Variants in FARS2 observed in about 807,000 individuals in gnomAD.
FARS2 encodes the protein phenylalanyl-tRNA synthetase 2, mitochondrial.
In FARS2, 40 loss-of-function variants were observed where a neutral mutation model predicts 46.4. That is an observed-to-expected ratio of 0.86 (90% confidence interval 0.67 to 1.12). FARS2 has a LOEUF of 1.12. Ranked by LOEUF, FARS2 falls within the 50% of genes most tolerant of loss-of-function variation. The probability of loss-of-function intolerance (pLI) is 0.00; values close to 1 mark genes in which losing one functional copy is unlikely to be tolerated. For synonymous variants in FARS2, 234 were observed against 214.9 expected, an observed-to-expected ratio of 1.09 and a Z score of -0.78; for missense variants, 513 against 567.9, an observed-to-expected ratio of 0.90 and a Z score of 0.98.
At chr6:5,394,717 T>C (rs1760788222) in intron 2 of FARS2, among the ~76,000 whole-genome samples, 1 of 152,158 alleles carries the variant, frequency 6.6e-6, no homozygotes, top group Non-Finnish European at 1.5e-5. Context: ...CTGTTTGTTT[T>C]CTCTTTCAAG....
chr6:5,379,776 C>T (rs905706366), intron 2 of FARS2, among the ~76,000 whole-genome samples: 3 of 152,232 alleles, frequency 2.0e-5, no homozygotes, highest in Non-Finnish European at 4.4e-5. Context: ...ACCTGCACTG[C>T]AGATCTGGGC....
At chr6:5,269,246 C>G (rs925714103) in intron 1 of FARS2, among the ~76,000 whole-genome samples, 2 of 151,852 alleles carry the variant, frequency 1.3e-5, no homozygotes, top group Admixed American at 6.6e-5. Flanking sequence ...GGACAGAAAA[C>G]CAAACACCGC....
rs554041570 is a variant in FARS2 at position 5,413,729 on chromosome 6, T to TC, written c.772+9033dup. 7.4e-4 allele frequency among the ~76,000 whole-genome samples: 113 copies of TC among 152,316 alleles called. No homozygotes were observed. In the East Asian group the frequency reaches 0.013, roughly 18 times the overall value. ...ATATGTGCCCAAATCTCTTTATGCT[T>TC]CCCCCTCCTGTAGCAGCTCAGATTT... On this transcript the variant is annotated intron_variant, in intron 3 of 6. Coordinates refer to ENST00000274680, the MANE Select transcript of FARS2 (RefSeq NM_006567.5).
chr6:5,461,306 C>T (rs372832544), intron 4 of FARS2, among the ~76,000 whole-genome samples: 1 of 152,122 alleles, frequency 6.6e-6, no homozygotes, highest in Non-Finnish European at 1.5e-5. Flanking sequence ...TCCCAAAGTG[C>T]GGAGATTACA....
chr6:5,270,841 AC>A (rs565178982), intron 1 of FARS2, among the ~76,000 whole-genome samples: 98 of 151,806 alleles, frequency 6.5e-4, no homozygotes, highest in African/African-American at 2.3e-3. Context: ...TTTCCCCTCT[AC>A]CCTGGGGACC....
At position 5,644,219 on chromosome 6, in the gene FARS2, C is replaced by CT. The variant is rs560871477; in HGVS notation, c.1217+30908dup. Reference sequence around the variant, plus strand: ...TGTTTGTTGTTTCTTTTTTCTTTTGCTTTTTTTTTCTTTTTTTGAGACAGG... The same window carrying CT: ...TGTTTGTTGTTTCTTTTTTCTTTTGCTTTTTTTTTTCTTTTTTTGAGACAGG... On this transcript the variant is annotated intron_variant, in intron 6 of 6. Coordinates refer to ENST00000274680, the MANE Select transcript of FARS2 (RefSeq NM_006567.5). 8.2e-3 allele frequency among the ~76,000 whole-genome samples: 1,232 copies of CT among 151,008 alleles called. 26 individuals carry two copies. The South Asian group carries it at 0.095, about 12-fold the overall frequency.
At chr6:5,380,236 A>G (rs181100052) in intron 2 of FARS2, among the ~76,000 whole-genome samples, 7 of 152,286 alleles carry the variant, frequency 4.6e-5, no homozygotes, top group Admixed American at 4.6e-4. Context: ...AGAAAAACAG[A>G]TTAATATTCT....
chr6:5,667,221 A>C (rs1041031350), intron 6 of FARS2, among the ~76,000 whole-genome samples: 1 of 152,184 alleles, frequency 6.6e-6, no homozygotes, highest in Non-Finnish European at 1.5e-5. Flanking sequence ...TAAAAAATAA[A>C]AATAAAGATT....
At chr6:5,734,456 T>C (rs1268914151) in intron 6 of FARS2, among the ~76,000 whole-genome samples, 1 of 152,196 alleles carries the variant, frequency 6.6e-6, no homozygotes, top group Admixed American at 6.5e-5. Context: ...GCCATGCATC[T>C]GTGGGCACCG....
intron 6 of FARS2, among the ~76,000 whole-genome samples, chr6:5,628,695 G>A (rs769594235): frequency 5.3e-5 from 8 of 152,376 alleles, no homozygotes; most frequent in Non-Finnish European, 1.2e-4. Flanking sequence ...GGTGAACAGA[G>A]ATGAGAGATG....
At chr6:5,348,001 A>G (rs113966210) in intron 1 of FARS2, among the ~76,000 whole-genome samples, 128 of 152,178 alleles carry the variant, frequency 8.4e-4, no homozygotes, top group Non-Finnish European at 1.3e-3. Flanking sequence ...TGTTTGTTCA[A>G]ATCTTTTATT....
At chr6:5,356,300 A>G (rs560048907) in intron 1 of FARS2, among the ~76,000 whole-genome samples, 1 of 152,304 alleles carries the variant, frequency 6.6e-6, no homozygotes, top group South Asian at 2.1e-4. Flanking sequence ...GATGCAAAAA[A>G]TCAGCTGGGT....
At chr6:5,704,860 G>A (rs796671466) in intron 6 of FARS2, among the ~76,000 whole-genome samples, 113 of 152,280 alleles carry the variant, frequency 7.4e-4, no homozygotes, top group African/African-American at 1.9e-3. Flanking sequence ...GTCTGTTAAC[G>A]GAATTCTGTT....
At chr6:5,306,186 G>A (rs1028097005) in intron 1 of FARS2, among the ~76,000 whole-genome samples, 2 of 152,104 alleles carry the variant, frequency 1.3e-5, no homozygotes, top group African/African-American at 2.4e-5. Context: ...CATCAACTCC[G>A]GGGTTGTTTT....
intron 5 of FARS2, among the ~76,000 whole-genome samples, chr6:5,564,530 T>C (rs1228922786): frequency 6.6e-6 from 1 of 152,204 alleles, no homozygotes; most frequent in African/African-American, 2.4e-5. Context: ...GAGACTAGGA[T>C]TTAATGACAA....
chr6:5,710,453 A>T (rs1488334939), intron 6 of FARS2, among the ~76,000 whole-genome samples: 1 of 152,238 alleles, frequency 6.6e-6, no homozygotes, highest in East Asian at 1.9e-4. Flanking sequence ...ACTAGGCAAA[A>T]TAAGTGCAAC....
At chr6:5,355,639 G>A (rs774135421) in intron 1 of FARS2, among the ~76,000 whole-genome samples, 4 of 152,112 alleles carry the variant, frequency 2.6e-5, no homozygotes, top group African/African-American at 9.7e-5. Context: ...TTACAGGTGT[G>A]AGCCACCATG....
At chr6:5,523,859 G>A (rs1044282922) in intron 4 of FARS2, among the ~76,000 whole-genome samples, 3 of 152,224 alleles carry the variant, frequency 2.0e-5, no homozygotes, top group Non-Finnish European at 2.9e-5. Context: ...CACATGCAAA[G>A]TTCTCCACGT....
chr6:5,541,680 G>T (rs1165100814), intron 4 of FARS2, among the ~76,000 whole-genome samples: 1 of 152,162 alleles, frequency 6.6e-6, no homozygotes, highest in Non-Finnish European at 1.5e-5. Context: ...CACCCCAAGA[G>T]AGTGTTCTTG....
Sources: gnomAD v4.1 joint callset for allele counts (sites outside exome capture counted in the v4.1 genomes callset) on GRCh38, gnomAD v4.1.1 for gene constraint, MANE v1.5 for transcripts, NCBI Gene and HGNC (gene_info 2026-07-23, HGNC 2026-07-21) for gene names.